The following SEC14L4 variants were observed in gnomAD, a reference collection of about 807,000 sequenced individuals.
SEC14L4 encodes the protein SEC14-like protein 4.
Under a neutral mutation model 55.1 loss-of-function variants are expected in SEC14L4, and 42 were observed. The observed-to-expected ratio is 0.76, with a 90% confidence interval of 0.60 to 0.99. The LOEUF is 0.99. Ranked by LOEUF, SEC14L4 falls within the 50% of genes least tolerant of loss-of-function variation. The pLI is 0.00. For missense variants in SEC14L4, 445 were observed against 512.1 expected (o/e 0.87, Z 1.27); for synonymous variants, 206 against 206.8 (o/e 1.00, Z 0.03).
intron 11 of SEC14L4, among the ~76,000 whole-genome samples, chr22:30,491,023 T>G (rs1935935239): frequency 6.6e-6 from 1 of 152,180 alleles, no homozygotes; most frequent in Non-Finnish European, 1.5e-5. Flanking sequence ...TAAGGTAATG[T>G]GTTGACTTAA....
At chr22:30,499,060 C>A (rs1404749547) in intron 2 of SEC14L4, among the ~76,000 whole-genome samples, 3 of 152,046 alleles carry the variant, frequency 2.0e-5, no homozygotes, top group Admixed American at 2.0e-4. Flanking sequence ...CCTGCCTCAG[C>A]CTCCTGAGTA....
At chr22:30,495,702 T>A in intron 3 of SEC14L4, 60 bp from the exon 4 acceptor site, 7 of 1,612,500 alleles carry the variant, frequency 4.3e-6, no homozygotes, top group Non-Finnish European at 5.9e-6. Flanking sequence ...CCAGGCTAGG[T>A]CCCTCTGCCC....
chr22:30,491,388 T>C, intron 11 of SEC14L4, 185 bp downstream of exon 11: 2 of 666,050 alleles, frequency 3.0e-6, no homozygotes, highest in South Asian at 3.9e-5. Flanking sequence ...ATACCAGCTC[T>C]TCCCCCACAA....
chr22:30,501,878 T>TATATAC (rs1252400924), intron 2 of SEC14L4, among the ~76,000 whole-genome samples: 6 of 139,688 alleles, frequency 4.3e-5, no homozygotes, highest in South Asian at 4.6e-4. Flanking sequence ...TATATATACA[T>TATATAC]ACACATACTT....
At chr22:30,498,949 T>C (rs1936233829) in intron 2 of SEC14L4, among the ~76,000 whole-genome samples, 1 of 150,154 alleles carries the variant, frequency 6.7e-6, no homozygotes, top group Non-Finnish European at 1.5e-5. Flanking sequence ...TTATTATTAT[T>C]ATTATTTTTT....
chr22:30,489,760 A>C lies in SEC14L4; in HGVS notation c.*347T>G, dbSNP rs933206268. The C allele has an allele frequency of 1.3e-5, 14 of 1,096,524 alleles. No homozygotes were observed. The highest frequency in any genetic ancestry group is 2.0e-4 in the Middle Eastern group (1 of 5,014). 67.9% of individuals were successfully genotyped at this position (1,096,524 alleles called of 1,614,324 possible). ...ACCCCCTGAAGCTGGAACACCAGGC[A>C]TGGGTGAGTCCTGGGTGGCTGGATC... On this transcript the variant is annotated 3_prime_UTR_variant, in exon 12 of 12. Coordinates refer to ENST00000255858, the MANE Select transcript of SEC14L4 (RefSeq NM_174977.4).
chr22:30,492,540 C>T lies in SEC14L4; in HGVS notation c.598G>A (p.Val200Met), dbSNP rs17738540. 0.21 allele frequency: 342,065 copies of T among 1,607,844 alleles called. 39,086 individuals are homozygous for T. The highest frequency in any genetic ancestry group is 0.25 in the Admixed American group (14,962 of 59,914). ...AACGACTTGACCAAGTTGAAGGCCA[C>T]GGGGAACAGTTTTGGGGCTGAAACA... Reference protein sequence around the residue: ...IVIRAPKLFPVAFNLVKSFMS... With the variant: ...IVIRAPKLFPMAFNLVKSFMS... Residue 200 changes from valine (V) to methionine (M), a missense_variant, in exon 8 of 12, where the codon GTG (valine) becomes ATG (methionine). Physicochemically the swap from Val to Met is conservative, Grantham distance 21 (BLOSUM62 1). Coordinates refer to ENST00000255858, the MANE Select transcript of SEC14L4 (RefSeq NM_174977.4).
At chr22:30,496,080 C>T (rs1300927913) in intron 2 of SEC14L4, 109 bp from the exon 3 acceptor site, 2 of 745,724 alleles carry the variant, frequency 2.7e-6, no homozygotes, top group Non-Finnish European at 4.5e-6. Context: ...TCCTGACACC[C>T]CAATAATACA....
intron 1 of SEC14L4, 72 bp downstream of exon 1, chr22:30,505,486 T>C: frequency 7.0e-7 from 1 of 1,438,208 alleles, no homozygotes; most frequent in Non-Finnish European, 9.5e-7. Context: ...CCATGGGGGC[T>C]CCAGCCGGGT....
chr22:30,503,878 C>G, intron 1 of SEC14L4, 126 bp from the exon 2 acceptor site: 1 of 644,706 alleles, frequency 1.6e-6, no homozygotes, highest in South Asian at 2.1e-5. Flanking sequence ...GGGTGCTGCC[C>G]TGAACGACTT....
chr22:30,495,899 G>T, intron 3 of SEC14L4, 29 bp downstream of exon 3: 3 of 1,610,108 alleles, frequency 1.9e-6, no homozygotes, highest in African/African-American at 1.3e-5. Context: ...TGCATGGAAG[G>T]CAGGGCAGTA....
chr22:30,494,799 T>C (rs892130980), intron 6 of SEC14L4, 67 bp downstream of exon 6: 1 of 1,041,828 alleles, frequency 9.6e-7, no homozygotes, highest in Non-Finnish European at 1.5e-6. Context: ...CTCACATCAA[T>C]TCACAGCTAG....
chr22:30,501,846 C>CACATATATAT (rs1371947748), intron 2 of SEC14L4, among the ~76,000 whole-genome samples: 8 of 111,908 alleles, frequency 7.1e-5, no homozygotes, highest in African/African-American at 2.1e-4. Flanking sequence ...CACACACGCA[C>CACATATATAT]ATATATATAT....
chr22:30,491,591 AG>A lies in SEC14L4; in HGVS notation c.1062del (p.Cys355AlafsTer46). The A allele has an allele frequency of 1.9e-6, 3 of 1,614,146 alleles. No individual in the cohort carries two copies. The highest frequency in any genetic ancestry group is 2.5e-6 in the Non-Finnish European group (3 of 1,180,012). Reference protein sequence around the residue: ...AHMVPEDGSLTCLQAGVYVLR... With the variant: ...AHMVPEDGSLXCLQAGVYVLR... ...CTCTTACAGACGCCAGCCTGGAGGC[AG>A]GTGAGGCTCCCATCCTCAGGCACCA... On this transcript the variant is annotated frameshift_variant, in exon 11 of 12. Transcript: ENST00000255858. LOFTEE classifies it low-confidence loss of function (END_TRUNC).
intron 2 of SEC14L4, among the ~76,000 whole-genome samples, chr22:30,496,560 C>T (rs1936156694): frequency 6.7e-6 from 1 of 149,932 alleles, no homozygotes; most frequent in Admixed American, 6.6e-5. Flanking sequence ...GAAGCAGAGA[C>T]ACCCCCCCCC....
In SEC14L4 at chr22:30,495,571, C is replaced by T. The variant is rs1936120734; in HGVS notation, c.234+12G>A. On this transcript the variant is annotated intron_variant, in intron 4 of 11. Transcript: ENST00000255858. Reference sequence around the variant, plus strand: ...GCCTCAGATGGCCTGGGGGATGCTGCTCGAGGCTCACCTCAGGGGGCTGCC... The same window carrying T: ...GCCTCAGATGGCCTGGGGGATGCTGTTCGAGGCTCACCTCAGGGGGCTGCC... The T allele has an allele frequency of 1.9e-6, 3 of 1,613,886 alleles. No homozygotes were observed. The highest frequency in any genetic ancestry group is 2.2e-5 in the South Asian group (2 of 91,070).
In SEC14L4 at chr22:30,495,586, A is replaced by G; in HGVS notation, c.231T>C (p.Pro77=). 2.5e-6 allele frequency: 4 copies of G among 1,613,924 alleles called. No homozygotes were observed. Among genetic ancestry groups the G allele is most frequent in the Non-Finnish European group, 3.4e-6 (4 of 1,180,008 alleles). ...GGGGATGCTGCTCGAGGCTCACCTC[A>G]GGGGGCTGCCATGTGACAATGTTGT... is the stretch of plus-strand genomic sequence containing the variant. ...DLDNIVTWQP[P]EVIQLYDSGG... The change falls in exon 4 of 12, where the codon CCT becomes CCC. Residue 77 remains proline, a synonymous_variant. Transcript: ENST00000255858.
rs1935892654 is a variant in SEC14L4 at position 30,489,847 on chromosome 22, A to G, written c.*260T>C. The G allele has an allele frequency of 2.6e-6, 4 of 1,551,002 alleles. No homozygotes were observed. Among genetic ancestry groups the G allele is most frequent in the South Asian group, 2.4e-5 (2 of 84,030 alleles). On this transcript the variant is annotated 3_prime_UTR_variant, in exon 12 of 12. Transcript: ENST00000255858. The stretch of plus-strand genomic sequence containing the variant: ...GGACCCATCCTCAGTGGACTGGATC[A>G]TCTTCAGCGTTCTCATTCTCAGCCG...
chr22:30,505,508 A>C, intron 1 of SEC14L4, 50 bp downstream of exon 1: 3 of 1,530,646 alleles, frequency 2.0e-6, no homozygotes, highest in Non-Finnish European at 2.7e-6. Context: ...GGGCAGTGCC[A>C]GGCTGCTCAG....
Sources: gnomAD v4.1 joint callset for allele counts (sites outside exome capture counted in the v4.1 genomes callset) on GRCh38, gnomAD v4.1.1 for gene constraint, MANE v1.5 for transcripts, NCBI Gene and HGNC (gene_info 2026-07-23, HGNC 2026-07-21) for gene names.